SAMD12: variants seen among roughly 807,000 people sequenced by gnomAD.
The protein encoded by SAMD12 is sterile alpha motif domain containing 12, also known as sterile alpha motif domain-containing protein 12.
In SAMD12, 9 loss-of-function variants were observed where a neutral mutation model predicts 15.0. The ratio of observed to expected loss-of-function variants is 0.60; its 90% CI spans 0.36 to 1.05. The LOEUF (loss-of-function observed/expected upper bound fraction) is 1.05, where lower values mean the gene tolerates loss of function less well. Ranked by LOEUF, SAMD12 falls within the 50% of genes least tolerant of loss-of-function variation. SAMD12 has a pLI of 0.01. For synonymous variants in SAMD12, 86 were observed against 90.1 expected, an observed-to-expected ratio of 0.96 and a Z score of 0.25; for missense variants, 230 against 234.2, an observed-to-expected ratio of 0.98 and a Z score of 0.12.
chr8:118,414,386 A>AT (rs34689591), intron 3 of SAMD12, among the ~76,000 whole-genome samples: 80,744 of 151,598 alleles, frequency 0.53, 23,502 homozygotes, highest in Middle Eastern at 0.7. Context: ...ACCACATCTA[A>AT]TTTTTTTTTA....
chr8:118,355,187 A>G (rs1428341658), intron 4 of SAMD12, among the ~76,000 whole-genome samples: 1 of 152,264 alleles, frequency 6.6e-6, no homozygotes, highest in Non-Finnish European at 1.5e-5. Context: ...GTGTATACAC[A>G]TACGATGGAA....
At chr8:118,148,059 C>T in the SAMD12 span, among the ~76,000 whole-genome samples, 323 of 151,398 alleles carry the variant, frequency 2.1e-3, 1 homozygote, top group African/African-American at 7.4e-3. Context: ...TCCGGAATAG[C>T]TGGGATTACA....
intron 4 of SAMD12, among the ~76,000 whole-genome samples, chr8:118,357,811 C>A (rs377235019): frequency 6.6e-6 from 1 of 152,182 alleles, no homozygotes; most frequent in East Asian, 1.9e-4. Flanking sequence ...CTCTCTTGGG[C>A]TCTGTGATTC....
the SAMD12 span, among the ~76,000 whole-genome samples, chr8:118,180,549 C>CCTCT: frequency 0.015 from 2,214 of 149,452 alleles, 59 homozygotes; most frequent in African/African-American, 0.048. Flanking sequence ...TTTCTCTCTC[C>CCTCT]CTCTCTCTCT....
intron 2 of SAMD12, among the ~76,000 whole-genome samples, chr8:118,499,986 A>T (rs1229206776): frequency 6.8e-6 from 1 of 147,060 alleles, no homozygotes; most frequent in Admixed American, 6.7e-5. Flanking sequence ...CCCACATCAG[A>T]GTAGACAGTG....
chr8:118,429,858 C>A (rs141598644), intron 3 of SAMD12, among the ~76,000 whole-genome samples: 2 of 152,208 alleles, frequency 1.3e-5, no homozygotes, highest in Admixed American at 1.3e-4. Flanking sequence ...CGTGTCACTG[C>A]ACACCAGCCT....
At chr8:118,428,485 G>A (rs558738903) in intron 3 of SAMD12, among the ~76,000 whole-genome samples, 1 of 152,104 alleles carries the variant, frequency 6.6e-6, no homozygotes, top group Non-Finnish European at 1.5e-5. Context: ...TTAAACTAAG[G>A]TGCTTCCAGG....
chr8:118,391,040 C>G (rs569696641), intron 3 of SAMD12, among the ~76,000 whole-genome samples: 1 of 151,780 alleles, frequency 6.6e-6, no homozygotes. Flanking sequence ...TTTAGCTCTC[C>G]GAGAAGGAAT....
Position 118,197,648 on chromosome 8 carries a change from T to C in SAMD12, c.*62A>G. 5 of 1,400,174 alleles carry C rather than the reference T, an allele frequency of 3.6e-6. No individual in the cohort carries two copies. In the South Asian group the frequency reaches 5.8e-5, roughly 16 times the overall value. 86.7% of individuals were successfully genotyped at this position (1,400,174 alleles called of 1,614,324 possible). ...TGGCAGTGCCATGGGTTAGTCTTTC[T>C]GTGAGGAACAGGCCATGTTCATATC... On this transcript the variant is annotated 3_prime_UTR_variant, in exon 5 of 5. Transcript: ENST00000409003.
chr8:118,344,076 C>A (rs528217538), intron 4 of SAMD12, among the ~76,000 whole-genome samples: 1 of 152,160 alleles, frequency 6.6e-6, no homozygotes, highest in Admixed American at 6.5e-5. Context: ...ATGAAGCAAG[C>A]GAGGGACAGC....
chr8:118,558,874 T>C (rs1826625241), intron 2 of SAMD12, among the ~76,000 whole-genome samples: 1 of 152,120 alleles, frequency 6.6e-6, no homozygotes, highest in African/African-American at 2.4e-5. Flanking sequence ...AGCTAAGACT[T>C]CATGAAGAAG....
chr8:118,432,916 C>A (rs1304419367), intron 3 of SAMD12, among the ~76,000 whole-genome samples: 2 of 152,182 alleles, frequency 1.3e-5, no homozygotes, highest in Non-Finnish European at 2.9e-5. Context: ...ATCACCACCA[C>A]AATAATCCAA....
intron 4 of SAMD12, among the ~76,000 whole-genome samples, chr8:118,253,761 C>G (rs1294453692): frequency 6.6e-6 from 1 of 152,114 alleles, no homozygotes. Flanking sequence ...AAAAGGAAGA[C>G]AATCTTATCA....
chr8:118,445,808 T>A (rs1258029549), intron 2 of SAMD12, among the ~76,000 whole-genome samples: 1 of 152,176 alleles, frequency 6.6e-6, no homozygotes, highest in Admixed American at 6.5e-5. Context: ...AGACCAGTAA[T>A]GTGTAAGCAA....
At chr8:118,201,870 CATTCTTGGAATTATTGGAATCAAGA>C (rs1283455640) in intron 4 of SAMD12, among the ~76,000 whole-genome samples, 1 of 152,176 alleles carries the variant, frequency 6.6e-6, no homozygotes, top group Non-Finnish European at 1.5e-5. Flanking sequence ...ATAGTTTAGA[CATTCTTGGAATTATTGGAATCAAGA>C]ATTCTTGGAA....
At chr8:118,142,775 G>A in the SAMD12 span, among the ~76,000 whole-genome samples, 1 of 152,210 alleles carries the variant, frequency 6.6e-6, no homozygotes, top group Admixed American at 6.5e-5. Flanking sequence ...AAGCAAAGGA[G>A]TGGGCTAATA....
chr8:118,380,633 G>A (rs528870198), intron 3 of SAMD12, among the ~76,000 whole-genome samples: 7 of 152,222 alleles, frequency 4.6e-5, no homozygotes, highest in African/African-American at 1.2e-4. Flanking sequence ...ACTCTTCTCC[G>A]ACATTCCTAC....
intron 2 of SAMD12, among the ~76,000 whole-genome samples, chr8:118,445,112 C>A (rs1261791235): frequency 1.4e-4 from 22 of 152,038 alleles, no homozygotes; most frequent in Admixed American, 1.4e-3. Flanking sequence ...CTTTTATTAA[C>A]TTTTATTGTG....
At chr8:118,411,616 G>A (rs56125423) in intron 3 of SAMD12, among the ~76,000 whole-genome samples, 52,158 of 151,642 alleles carry the variant, frequency 0.34, 9,566 homozygotes, top group African/African-American at 0.41. Context: ...AGTTAAAGGA[G>A]TTTTGAAGAT....
Sources: allele counts gnomAD v4.1 joint callset (sites outside exome capture counted in the v4.1 genomes callset), GRCh38; gene constraint gnomAD v4.1.1; transcripts MANE v1.5; gene names NCBI Gene and HGNC (gene_info 2026-07-23, HGNC 2026-07-21).